Variants in SYN3 observed in about 807,000 individuals in gnomAD.
SYN3 encodes synapsin III.
Under a neutral mutation model 65.8 loss-of-function variants are expected in SYN3, and 35 were observed. The ratio of observed to expected loss-of-function variants is 0.53; its 90% confidence interval spans 0.41 to 0.70. SYN3 has a LOEUF of 0.70. SYN3 is among the 30% of genes least tolerant of loss of function. The pLI is 0.00. For synonymous variants in SYN3, 270 were observed against 292.9 expected, an observed-to-expected ratio of 0.92 and a Z score of 0.80; for missense variants, 680 against 749.0, an observed-to-expected ratio of 0.91 and a Z score of 1.08.
chr22:33,000,360 T>C (rs1274827727), intron 2 of SYN3, among the ~76,000 whole-genome samples: 3 of 152,148 alleles, frequency 2.0e-5, no homozygotes, highest in Admixed American at 2.0e-4. Flanking sequence ...TGCCTGGCCA[T>C]GAGTTCTCCC....
chr22:32,654,659 A>G (rs928425249), intron 6 of SYN3, among the ~76,000 whole-genome samples: 7 of 152,160 alleles, frequency 4.6e-5, no homozygotes, highest in African/African-American at 1.7e-4. Flanking sequence ...CCTACTGTGA[A>G]CTGCACATGC....
At chr22:33,056,143 T>C (rs969664500) in intron 1 of SYN3, among the ~76,000 whole-genome samples, 2 of 152,184 alleles carry the variant, frequency 1.3e-5, no homozygotes, top group Non-Finnish European at 1.5e-5. Context: ...TGTATATACA[T>C]AATAGACACT....
At position 32,909,221 on chromosome 22, in the gene SYN3, C is replaced by T. The variant is rs542160833; in HGVS notation, c.461+22169G>A. ...GTTCATACTCCACCTCTGTTCTCTT[C>T]TGGCTGTGGACATAACTCCACTCTC... On this transcript the variant is annotated intron_variant, in intron 4 of 13. Coordinates refer to ENST00000358763, the MANE Select transcript of SYN3 (RefSeq NM_003490.4). 2.0e-5 allele frequency among the ~76,000 whole-genome samples: 3 copies of T among 152,326 alleles called. No individual in the cohort carries two copies. In the South Asian group the frequency reaches 6.2e-4, roughly 32 times the overall value.
chr22:32,540,806 T>C (rs1308016356), intron 8 of SYN3, among the ~76,000 whole-genome samples: 1 of 152,226 alleles, frequency 6.6e-6, no homozygotes, highest in Non-Finnish European at 1.5e-5. Flanking sequence ...TAAAATGCGA[T>C]CAAAGTTGGA....
At chr22:32,940,385 G>GT (rs2050902089) in intron 3 of SYN3, among the ~76,000 whole-genome samples, 1 of 72,146 alleles carries the variant, frequency 1.4e-5, no homozygotes, top group South Asian at 8.0e-4. Context: ...GTACAATTTA[G>GT]TATTTTTTTT....
intron 4 of SYN3, among the ~76,000 whole-genome samples, chr22:32,919,346 A>G (rs2050273828): frequency 6.6e-6 from 1 of 152,154 alleles, no homozygotes; most frequent in South Asian, 2.1e-4. Flanking sequence ...CTTAGCCCAC[A>G]TATCTGCTTA....
At chr22:32,753,478 G>T (rs1231919386) in intron 6 of SYN3, among the ~76,000 whole-genome samples, 1 of 152,164 alleles carries the variant, frequency 6.6e-6, no homozygotes, top group South Asian at 2.1e-4. Context: ...AAGGGCCCAG[G>T]CCCAACAGAC....
At chr22:32,640,957 C>A (rs1471297768) in intron 6 of SYN3, among the ~76,000 whole-genome samples, 2 of 152,168 alleles carry the variant, frequency 1.3e-5, no homozygotes, top group Admixed American at 1.3e-4. Context: ...AAATAAGCAT[C>A]GGGCTTCAAG....
intron 6 of SYN3, among the ~76,000 whole-genome samples, chr22:32,774,042 A>G (rs144208438): frequency 4.8e-4 from 73 of 152,180 alleles, no homozygotes; most frequent in African/African-American, 1.7e-3. Flanking sequence ...TGCTGGTCCC[A>G]AGGACAGGAA....
At chr22:32,960,235 C>T (rs770910878) in intron 3 of SYN3, among the ~76,000 whole-genome samples, 7 of 152,164 alleles carry the variant, frequency 4.6e-5, no homozygotes, top group Non-Finnish European at 8.8e-5. Flanking sequence ...AACCAACCAA[C>T]GCAGGCTCAA....
chr22:32,952,090 C>T (rs959022332), intron 3 of SYN3, among the ~76,000 whole-genome samples: 5 of 152,170 alleles, frequency 3.3e-5, no homozygotes, highest in Non-Finnish European at 7.3e-5. Flanking sequence ...CCCACCAGTT[C>T]AGACTCACCT....
chr22:32,613,370 C>T lies in SYN3; in HGVS notation c.712-16634G>A, dbSNP rs561268664. ...GGTAGGAGAGAGAATTATCTCTAGC[C>T]CTCCCTCCTCCTTGCAAGGCCATTG... On this transcript the variant is annotated intron_variant, in intron 6 of 13. Transcript: ENST00000358763. 2.4e-3 allele frequency among the ~76,000 whole-genome samples: 363 copies of T among 152,076 alleles called. 1 individual carries two copies. Among genetic ancestry groups the T allele is most frequent in the Middle Eastern group, 6.8e-3 (2 of 294 alleles).
intron 3 of SYN3, among the ~76,000 whole-genome samples, chr22:32,961,934 A>G (rs2051666614): frequency 6.6e-6 from 1 of 152,120 alleles, no homozygotes; most frequent in East Asian, 1.9e-4. Context: ...ACTCCCTTGA[A>G]GTCCCCCAGG....
In SYN3 at chr22:33,038,488, G is replaced by C. The variant is rs377407017; in HGVS notation, c.-163+19804C>G. On this transcript the variant is annotated intron_variant, in intron 1 of 13. Transcript: ENST00000358763. ...TTAACCTCCACTGTGAGCTCCGATT[G>C]AGCAATTCTCACATCCTTTCCCCCA... Among the ~76,000 whole-genome samples, 11 of 152,274 alleles carry C rather than the reference G, an allele frequency of 7.2e-5. No individual in the cohort carries two copies. The South Asian group carries it at 2.3e-3, about 32-fold the overall frequency.
intron 7 of SYN3, among the ~76,000 whole-genome samples, chr22:32,550,798 A>G (rs1050917953): frequency 1.3e-4 from 20 of 152,132 alleles, no homozygotes; most frequent in Admixed American, 4.6e-4. Context: ...TGGGGAAATG[A>G]CTGATTCCAG....
At chr22:32,979,964 C>T (rs1012239115) in intron 3 of SYN3, among the ~76,000 whole-genome samples, 1 of 152,008 alleles carries the variant, frequency 6.6e-6, no homozygotes, top group East Asian at 1.9e-4. Flanking sequence ...AGGAGGTCCT[C>T]GCGGAACGAA....
intron 3 of SYN3, among the ~76,000 whole-genome samples, chr22:32,951,783 G>A (rs1482856973): frequency 1.3e-5 from 2 of 152,202 alleles, no homozygotes; most frequent in African/African-American, 4.8e-5. Flanking sequence ...GGAGTGTGCA[G>A]AGTTGGGCCA....
chr22:32,811,153 C>G (rs2046905390), intron 6 of SYN3, among the ~76,000 whole-genome samples: 1 of 151,874 alleles, frequency 6.6e-6, no homozygotes, highest in Non-Finnish European at 1.5e-5. Context: ...CCAGAACTGA[C>G]TATACGGTAA....
Position 32,518,025 on chromosome 22 carries a change from A to T in SYN3, c.1610+18T>A. On this transcript the variant is annotated intron_variant, in intron 13 of 13. Transcript: ENST00000358763. ...CCCAGCTCTATCCTATACCTTTTCC[A>T]ATTCCCAAAGCACTTACTTGAGATG... The T allele has an allele frequency of 6.6e-7, 1 of 1,508,992 alleles. No homozygotes were observed. The highest frequency in any genetic ancestry group is 8.8e-7 in the Non-Finnish European group (1 of 1,130,766). The allele number at this position is 1,508,992 out of a possible 1,614,324, so 93.5% of individuals were successfully genotyped here.
Sources: allele counts gnomAD v4.1 joint callset (sites outside exome capture counted in the v4.1 genomes callset), GRCh38; gene constraint gnomAD v4.1.1; transcripts MANE v1.5; gene names NCBI Gene and HGNC (gene_info 2026-07-23, HGNC 2026-07-21).